The following TOM1L2 variants were observed in gnomAD, a reference collection of about 807,000 sequenced individuals.
The protein encoded by TOM1L2 is TOM1-like protein 2.
In TOM1L2, 31 loss-of-function variants were observed where a neutral mutation model predicts 67.9. That is an observed-to-expected ratio of 0.46 (90% CI 0.34 to 0.62). The LOEUF is 0.62. Ranked by LOEUF, TOM1L2 falls within the 20% of genes least tolerant of loss-of-function variation. TOM1L2 has a pLI of 0.01. For missense variants in TOM1L2, 606 were observed against 663.5 expected, an observed-to-expected ratio of 0.91 and a Z score of 0.95; for synonymous variants, 256 against 254.0, an observed-to-expected ratio of 1.01 and a Z score of -0.07.
intron 7 of TOM1L2, among the ~76,000 whole-genome samples, chr17:17,876,380 G>C (rs1007553567): frequency 1.3e-5 from 2 of 152,178 alleles, no homozygotes; most frequent in African/African-American, 4.8e-5. Flanking sequence ...CCCTCCCTGT[G>C]GTGGGCTGCC....
intron 1 of TOM1L2, 30 bp downstream of exon 1, chr17:17,972,232 C>T (rs2042140017): frequency 6.5e-7 from 1 of 1,548,690 alleles, no homozygotes; most frequent in Non-Finnish European, 8.7e-7. Context: ...GCCGCCGTTG[C>T]CCAGCCTCCT....
At chr17:17,953,096 T>C (rs2041278215) in intron 1 of TOM1L2, among the ~76,000 whole-genome samples, 1 of 152,018 alleles carries the variant, frequency 6.6e-6, no homozygotes, top group Non-Finnish European at 1.5e-5. Flanking sequence ...CTGGCCAACA[T>C]GGCGAAACCC....
At chr17:17,848,647 T>C (rs2035783635) in intron 14 of TOM1L2, among the ~76,000 whole-genome samples, 176 bp downstream of exon 14, 1 of 152,226 alleles carries the variant, frequency 6.6e-6, no homozygotes, top group South Asian at 2.1e-4. Flanking sequence ...TAAATCACAC[T>C]TCCCAAATCA....
At chr17:17,887,101 A>C (rs1721123817) in intron 4 of TOM1L2, among the ~76,000 whole-genome samples, 2 of 152,216 alleles carry the variant, frequency 1.3e-5, no homozygotes, top group African/African-American at 4.8e-5. Context: ...GGGCGGGGTG[A>C]CCTGGACTTC....
At chr17:17,862,369 G>T (rs1309652133) in intron 11 of TOM1L2, 2 of 191,046 alleles carry the variant, frequency 1.0e-5, no homozygotes, top group African/African-American at 2.4e-5. Context: ...CACCCTGCAT[G>T]GCTGCACCCT....
At chr17:17,848,994 G>C in intron 13 of TOM1L2, 135 bp from the exon 14 acceptor site, 1 of 706,840 alleles carries the variant, frequency 1.4e-6, no homozygotes, top group East Asian at 2.8e-5. Flanking sequence ...AATTTTCCCT[G>C]TTTCCAGATT....
At chr17:17,946,224 C>T (rs945012145) in intron 1 of TOM1L2, among the ~76,000 whole-genome samples, 1 of 152,108 alleles carries the variant, frequency 6.6e-6, no homozygotes, top group South Asian at 2.1e-4. Context: ...AATTTACATA[C>T]CATGAAATCT....
intron 1 of TOM1L2, among the ~76,000 whole-genome samples, chr17:17,928,203 G>A (rs1351616939): frequency 6.6e-6 from 1 of 151,796 alleles, no homozygotes; most frequent in Non-Finnish European, 1.5e-5. Flanking sequence ...TCATAACTTT[G>A]ACCCGGCAAT....
chr17:17,922,871 G>A (rs1234813901), intron 1 of TOM1L2, among the ~76,000 whole-genome samples: 2 of 152,190 alleles, frequency 1.3e-5, no homozygotes, highest in Admixed American at 6.5e-5. Context: ...GCAGCCTCCA[G>A]GTGGAATAGT....
intron 6 of TOM1L2, among the ~76,000 whole-genome samples, chr17:17,880,641 C>T (rs1369770407): frequency 6.6e-6 from 1 of 152,202 alleles, no homozygotes; most frequent in African/African-American, 2.4e-5. Flanking sequence ...AAGAACTGCA[C>T]AGGACACTGG....
chr17:17,936,658 G>A lies in TOM1L2; in HGVS notation c.53-29127C>T, dbSNP rs1188532940. Among the ~76,000 whole-genome samples, 6 of 152,264 alleles carry A rather than the reference G, an allele frequency of 3.9e-5. No individual in the cohort carries two copies. In the South Asian group the frequency reaches 1.0e-3, roughly 26 times the overall value. ...ATTCATCCACATAAGGGAATATTATGTAGTCATTTAATAATGATATTTATA... is the reference window on the plus strand; with the variant it reads ...ATTCATCCACATAAGGGAATATTATATAGTCATTTAATAATGATATTTATA... On this transcript the variant is annotated intron_variant, in intron 1 of 14. Transcript: ENST00000379504.
intron 1 of TOM1L2, among the ~76,000 whole-genome samples, chr17:17,960,337 C>CT (rs912257805): frequency 4.0e-5 from 6 of 150,242 alleles, no homozygotes; most frequent in Admixed American, 2.7e-4. Context: ...AGGTACTTGA[C>CT]TTTTTTTTTT....
chr17:17,900,973 T>C (rs1202428671), intron 2 of TOM1L2, among the ~76,000 whole-genome samples: 7 of 152,128 alleles, frequency 4.6e-5, no homozygotes, highest in African/African-American at 7.2e-5. Context: ...AACAGGAAAA[T>C]AGGAAGAGCG....
intron 13 of TOM1L2, among the ~76,000 whole-genome samples, chr17:17,850,455 G>C (rs2035897118): frequency 1.3e-5 from 2 of 150,918 alleles, no homozygotes; most frequent in African/African-American, 4.9e-5. Flanking sequence ...AAAAACAAAA[G>C]CACTGTGTGT....
chr17:17,902,961 C>T (rs1315461428), intron 2 of TOM1L2, among the ~76,000 whole-genome samples: 3 of 152,170 alleles, frequency 2.0e-5, no homozygotes, highest in Non-Finnish European at 4.4e-5. Context: ...CAGGCTCGCA[C>T]AATAAGCGAG....
intron 1 of TOM1L2, among the ~76,000 whole-genome samples, chr17:17,923,140 G>A (rs891201788): frequency 3.9e-5 from 6 of 152,226 alleles, no homozygotes; most frequent in African/African-American, 1.4e-4. Context: ...GCTCACGCCT[G>A]TAATCCCAGC....
At chr17:17,959,942 A>G (rs2041617772) in intron 1 of TOM1L2, among the ~76,000 whole-genome samples, 1 of 152,228 alleles carries the variant, frequency 6.6e-6, no homozygotes, top group Admixed American at 6.5e-5. Flanking sequence ...TCCTCCATCC[A>G]TCACTGTAGT....
intron 2 of TOM1L2, among the ~76,000 whole-genome samples, chr17:17,906,566 C>A (rs1237285295): frequency 5.3e-5 from 8 of 152,232 alleles, no homozygotes. Context: ...CCCTACTACT[C>A]TAGACTGGCC....
chr17:17,867,711 G>A (rs1050765294), intron 8 of TOM1L2, among the ~76,000 whole-genome samples: 7 of 152,248 alleles, frequency 4.6e-5, no homozygotes, highest in African/African-American at 1.7e-4. Flanking sequence ...GCTTTAGTGA[G>A]TTATGCTGCT....
Sources: allele counts gnomAD v4.1 joint callset (sites outside exome capture counted in the v4.1 genomes callset), GRCh38; gene constraint gnomAD v4.1.1; transcripts MANE v1.5; gene names NCBI Gene and HGNC (gene_info 2026-07-23, HGNC 2026-07-21).